ATG9B: variants seen among roughly 807,000 people sequenced by gnomAD.
ATG9B encodes the protein autophagy-related protein 9B.
In ATG9B, 92 loss-of-function variants were observed where a neutral mutation model predicts 92.9. That is an observed-to-expected ratio of 0.99 (90% CI 0.84 to 1.18). The LOEUF (loss-of-function observed/expected upper bound fraction) is 1.18. Ranked by LOEUF, ATG9B falls within the 50% of genes most tolerant of loss-of-function variation. The probability of loss-of-function intolerance (pLI) is 0.00; values close to 1 mark genes in which losing one functional copy is unlikely to be tolerated. For missense variants in ATG9B, 1,344 were observed against 1,235.0 expected (o/e 1.09, Z -1.32); for synonymous variants, 599 against 551.4 (o/e 1.09, Z -1.21).
Position 151,018,824 on chromosome 7 carries a change from C to T in ATG9B, c.1514G>A (p.Arg505His), listed in dbSNP as rs1226026063. Residue 505 changes from arginine (R) to histidine (H), a missense_variant, in exon 6 of 14, where the codon CGC (arginine) becomes CAC (histidine). Arg to His is a conservative substitution (Grantham distance 29). Transcript: ENST00000639579. This position sits in a 1 kb window ranked among gnomAD's most constrained non-coding sequence, Gnocchi z 4.7. ...LPHELRARLA[R>H]AYRPAAAFLR... ...GAAGGCGGCGGCGGGGCGGTAGGCG[C>T]GGGCCAGGCGCGCGCGCAGCTCGTG... 2.5e-5 allele frequency: 31 copies of T among 1,249,698 alleles called. No homozygotes were observed. The highest frequency in any genetic ancestry group is 1.9e-5 in the Non-Finnish European group (19 of 1,000,740). The allele number at this position is 1,249,698 out of a possible 1,614,324, so 77.4% of individuals were successfully genotyped here. A position where few individuals can be genotyped will look rare whatever the true frequency, so the allele number is the denominator to read the frequency against.
In ATG9B at chr7:151,017,967, A is replaced by T. The variant is rs1376053649; in HGVS notation, c.1956T>A (p.Ile652=). Residue 652 remains isoleucine, a synonymous_variant, in exon 8 of 14, where the codon ATT becomes ATA. Transcript: ENST00000639579. ...LFWFRPRALE[I]IDFFHHFTVD... is the part of the protein sequence containing the mutation. ...CAGTGAAGTGATGAAAAAAGTCGAT[A>T]ATCTCCAGGGCACGAGGGCGGAACC... 6.2e-7 allele frequency: 1 copy of T among 1,608,046 alleles called. No individual in the cohort carries two copies. Among genetic ancestry groups the T allele is most frequent in the East Asian group, 2.2e-5 (1 of 44,774 alleles).
At position 151,017,047 on chromosome 7, in the gene ATG9B, T is replaced by A; in HGVS notation, c.2278A>T (p.Thr760Ser). The A allele has an allele frequency of 6.3e-7, 1 of 1,590,424 alleles. No individual in the cohort carries two copies. Among genetic ancestry groups the A allele is most frequent in the Non-Finnish European group, 8.6e-7 (1 of 1,169,226 alleles). ...GGCTTGGGACTCACCAGGGGCGAGGTGCAGTTGCTGAGCACCCCCGGGGTG... is the reference window on the plus strand; with the variant it reads ...GGCTTGGGACTCACCAGGGGCGAGGAGCAGTTGCTGAGCACCCCCGGGGTG... ...PSTPGVLSNCTSPLPEAFLAN... is the reference protein window; with the variant it reads ...PSTPGVLSNCSSPLPEAFLAN... Residue 760 changes from threonine to serine, a missense_variant, in exon 9 of 14, where the codon ACC becomes TCC. Coordinates refer to ENST00000639579, the MANE Select transcript of ATG9B (RefSeq NM_001317056.2).
chr7:151,013,376 C>T, downstream of ATG9B: 1 of 1,612,716 alleles, frequency 6.2e-7, no homozygotes, highest in Non-Finnish European at 8.5e-7. Context: ...CTGACAACCC[C>T]AAGGTGTGAG....
downstream of ATG9B, chr7:151,014,321 G>A: frequency 1.2e-6 from 1 of 844,020 alleles, no homozygotes; most frequent in Non-Finnish European, 1.8e-6. Context: ...CCTCCAGGAA[G>A]GAGCAAAACG....
rs181291376 is a variant in ATG9B, at chr7:151,022,697, G to A, written c.821+348C>T. ...AACCCTGTCTCTACTAAAAATACAC[G>A]TGGTGGTGCACGCCTATAATCCCAG... On this transcript the variant is annotated intron_variant, in intron 4 of 13. Transcript: ENST00000639579. Among the ~76,000 whole-genome samples, 508 of 151,792 alleles carry A rather than the reference G, an allele frequency of 3.3e-3. 2 individuals carry two copies. Among genetic ancestry groups the A allele is most frequent in the Non-Finnish European group, 5.2e-3 (354 of 67,902 alleles).
At chr7:151,012,364 C>T (rs747172515), downstream of ATG9B, 47 of 1,568,592 alleles carry the variant, frequency 3.0e-5, no homozygotes, top group South Asian at 7.0e-5. Context: ...TCCCTCCTTC[C>T]GGCTGCCACC....
downstream of ATG9B, chr7:151,012,235 TAA>T: frequency 2.0e-5 from 19 of 934,526 alleles, no homozygotes; most frequent in Non-Finnish European, 2.0e-5. Flanking sequence ...GTTTTTTTTT[TAA>T]TTTTTTTTTG....
rs1402973434 is a variant in ATG9B, at chr7:151,023,187, T to C, written c.679A>G (p.Thr227Ala). Residue 227 changes from threonine (T) to alanine (A), a missense_variant, in exon 4 of 14, where the codon ACC (threonine) becomes GCC (alanine). Physicochemically the swap from Thr to Ala is moderately conservative, Grantham distance 58 (BLOSUM62 0). Coordinates refer to ENST00000639579, the MANE Select transcript of ATG9B (RefSeq NM_001317056.2). Reference protein sequence around the residue: ...FQLGQFIFIVTFTTFLLRCVD... With the variant: ...FQLGQFIFIVAFTTFLLRCVD... ...CATCGAAGGAGGAAGGTTGTGAAGG[T>C]GACAATGAAAATAAATTGTCTGCCG... 1.9e-5 allele frequency: 31 copies of C among 1,614,124 alleles called. No individual in the cohort carries two copies. The highest frequency in any genetic ancestry group is 2.6e-5 in the Non-Finnish European group (31 of 1,180,024).
Position 151,024,289 on chromosome 7 carries a change from T to C in ATG9B, c.135A>G (p.Gly45=). ...ACAGAGAGAAGATGGAGATCCTCCC[T>C]CCCCCAGGTCCCCGGCATGAAGGAG... ...PPPPSCRGPG[G]GRISIFSLSP... is the part of the protein sequence containing the mutation. The change falls in exon 1 of 14, where the codon GGA becomes GGG. Residue 45 remains glycine, a synonymous_variant. Transcript: ENST00000639579. 7.1e-7 allele frequency: 1 copy of C among 1,411,700 alleles called. No individual in the cohort carries two copies. Among genetic ancestry groups the C allele is most frequent in the South Asian group, 1.7e-5 (1 of 57,656 alleles). 87.4% of individuals were successfully genotyped at this position (1,411,700 alleles called of 1,614,324 possible).
downstream of ATG9B, chr7:151,013,913 C>G: frequency 6.3e-7 from 1 of 1,599,710 alleles, no homozygotes; most frequent in Non-Finnish European, 8.5e-7. Flanking sequence ...CATCGGCGTG[C>G]TGCGGGTGCG....
downstream of ATG9B, chr7:151,012,497 C>T (rs1339386173): frequency 6.2e-7 from 1 of 1,602,814 alleles, no homozygotes. Flanking sequence ...TAAAGGACTG[C>T]CTGAAGGGAG....
chr7:151,023,471 GA>G lies in ATG9B; in HGVS notation c.632del (p.Ile211ThrfsTer49), dbSNP rs748081783. On this transcript the variant is annotated frameshift_variant, in exon 3 of 14. Transcript: ENST00000639579. LOFTEE classifies it high-confidence loss of function. ...SYHQRNGFAC[I>X]LLEDVFQLGQ... ...CCAGCTGGAAGACATCCTCCAGCAAGATGCAGGCAAAGCCATTCCGCTGGTG... is the reference window on the plus strand; with the variant it reads ...CCAGCTGGAAGACATCCTCCAGCAAGTGCAGGCAAAGCCATTCCGCTGGTG... 3.1e-6 allele frequency: 5 copies of G among 1,613,158 alleles called. No individual in the cohort carries two copies. The highest frequency in any genetic ancestry group is 4.2e-6 in the Non-Finnish European group (5 of 1,179,626).
At position 151,017,900 on chromosome 7, in the gene ATG9B, T is replaced by C; in HGVS notation, c.2023A>G (p.Met675Val). Reference protein sequence around the residue: ...GVGDICSFALMDVKRHGHPQW... With the variant: ...GVGDICSFALVDVKRHGHPQW... The stretch of plus-strand genomic sequence containing the variant: ...GGGTGTCCGTGGCGCTTCACATCCA[T>C]AAGGGCAAAGGAACAGATGTCCCCA... Residue 675 changes from methionine to valine, a missense_variant, in exon 8 of 14, where the codon ATG (methionine) becomes GTG (valine). Met to Val is a conservative substitution (Grantham distance 21). Coordinates refer to ENST00000639579, the MANE Select transcript of ATG9B (RefSeq NM_001317056.2). 1 of 1,609,348 alleles carries C rather than the reference T, an allele frequency of 6.2e-7. No individual in the cohort carries two copies. Among genetic ancestry groups the C allele is most frequent in the East Asian group, 2.2e-5 (1 of 44,782 alleles).
chr7:151,016,309 G>A, intron 11 of ATG9B, 74 bp from the exon 12 acceptor site: 2 of 1,479,154 alleles, frequency 1.4e-6, no homozygotes, highest in Non-Finnish European at 9.0e-7. Context: ...TAGAGGCAGA[G>A]GGCTTTTCAG....
At position 151,023,977 on chromosome 7, in the gene ATG9B, C is replaced by G. The variant is rs1430729805; in HGVS notation, c.447G>C (p.Gln149His). The change falls in exon 1 of 14, where the codon CAG becomes CAC. Residue 149 changes from glutamine (Q) to histidine (H), a missense_variant. Gln to His is a conservative substitution (Grantham distance 24). Transcript: ENST00000639579. ...CACAGTCCTCCAGCCGCTCATAATC[C>G]TGTTCAGGGATCAAAGGGCCTACCC... ...GLRVGPLIPEQDYERLEDCDP... is the reference protein window; with the variant it reads ...GLRVGPLIPEHDYERLEDCDP... The G allele has an allele frequency of 6.3e-7, 1 of 1,592,916 alleles. No individual in the cohort carries two copies. Among genetic ancestry groups the G allele is most frequent in the Non-Finnish European group, 8.5e-7 (1 of 1,169,616 alleles).
At position 151,018,404 on chromosome 7, in the gene ATG9B, G is replaced by A. The variant is rs952378453; in HGVS notation, c.1762C>T (p.Leu588Phe). ...TGGGCCAGGGCTGTCTGCAGCAGGA[G>A]CTGCGGCGCACGACCCTGGCACTGC... ...EEQCQGRAPQ[L>F]LLQTALAHMH... is the part of the protein sequence containing the mutation. Residue 588 changes from leucine (L) to phenylalanine (F), a missense_variant, in exon 7 of 14, where the codon CTC becomes TTC. Leu to Phe is a conservative substitution (Grantham distance 22). Coordinates refer to ENST00000639579, the MANE Select transcript of ATG9B (RefSeq NM_001317056.2). This position sits in a 1 kb window ranked among gnomAD's most constrained non-coding sequence, Gnocchi z 4.7. 2 of 1,563,426 alleles carry A rather than the reference G, an allele frequency of 1.3e-6. No homozygotes were observed. Among genetic ancestry groups the A allele is most frequent in the East Asian group, 2.3e-5 (1 of 44,110 alleles).
At chr7:151,013,688 C>A, downstream of ATG9B, 2 of 1,503,704 alleles carry the variant, frequency 1.3e-6, no homozygotes, top group South Asian at 2.4e-5. Flanking sequence ...CGCGCCCACC[C>A]CCACCAGGGC....
chr7:151,018,598 C>T lies in ATG9B; in HGVS notation c.1718+22G>A. The T allele has an allele frequency of 6.3e-7, 1 of 1,590,540 alleles. No homozygotes were observed. Among genetic ancestry groups the T allele is most frequent in the African/African-American group, 1.4e-5 (1 of 73,546 alleles). ...TCAGAGAAACCAACACACACCACCA[C>T]CCCGGGCATCTGCCGTCGCACCTGG... On this transcript the variant is annotated intron_variant, in intron 6 of 13. Coordinates refer to ENST00000639579, the MANE Select transcript of ATG9B (RefSeq NM_001317056.2). This position sits in a 1 kb window ranked among gnomAD's most constrained non-coding sequence, Gnocchi z 4.7.
chr7:151,022,850 G>T (rs1178520749), intron 4 of ATG9B, among the ~76,000 whole-genome samples, 195 bp downstream of exon 4: 1 of 148,074 alleles, frequency 6.8e-6, no homozygotes. Context: ...AAAAAAAAAA[G>T]ATATACTTAA....
Sources: gnomAD v4.1 joint callset for allele counts (sites outside exome capture counted in the v4.1 genomes callset) on GRCh38, gnomAD v4.1.1 for gene constraint, Gnocchi (gnomAD v3.1) non-coding constraint, MANE v1.5 for transcripts, NCBI Gene and HGNC (gene_info 2026-07-23, HGNC 2026-07-21) for gene names.